PLAC1: variants seen among roughly 807,000 people sequenced by gnomAD.
PLAC1 encodes placenta associated 1.
For missense variants in PLAC1, 136 were observed against 163.2 expected (o/e 0.83, Z 0.91); for synonymous variants, 68 against 62.1 (o/e 1.09, Z -0.44).
At chrX:134,590,196 A>AAAATAAATAAAT (rs371123358) in intron 2 of PLAC1, among the ~76,000 whole-genome samples, 5 of 103,416 alleles carry the variant, frequency 4.8e-5, no homozygotes, top group East Asian at 6.2e-4. Context: ...CTCCATCTCA[A>AAAATAAATAAAT]AAATAAATAA....
chrX:134,583,670 G>A (rs762432953), intron 2 of PLAC1, among the ~76,000 whole-genome samples: 3 of 110,688 alleles, frequency 2.7e-5, no homozygotes, highest in Non-Finnish European at 3.8e-5. Context: ...TCCAATCAAT[G>A]GGAGCTATAG....
At chrX:134,588,815 G>A (rs180924513) in intron 2 of PLAC1, among the ~76,000 whole-genome samples, 1 of 111,348 alleles carries the variant, frequency 9.0e-6, no homozygotes, top group East Asian at 2.8e-4. Context: ...GATCAAGGGA[G>A]GGGTTGAGCA....
At chrX:134,668,643 T>A (rs997211049) in intron 2 of PLAC1, among the ~76,000 whole-genome samples, 1 of 112,831 alleles carries the variant, frequency 8.9e-6, no homozygotes, top group South Asian at 3.6e-4. Context: ...TAGTGATGGG[T>A]CTAAATCCGG....
chrX:134,683,325 G>A (rs11795508), intron 2 of PLAC1, among the ~76,000 whole-genome samples: 12,100 of 110,052 alleles, frequency 0.11, 699 homozygotes, highest in Non-Finnish European at 0.17. Context: ...AGAGATGTCA[G>A]TTAGGGTATC....
intron 2 of PLAC1, among the ~76,000 whole-genome samples, chrX:134,731,878 G>A (rs1001279847): frequency 1.3e-4 from 14 of 111,648 alleles, no homozygotes; most frequent in African/African-American, 4.2e-4. Flanking sequence ...AAAATTACCC[G>A]GGATTGATGG....
chrX:134,752,272 G>T (rs1464392094), intron 1 of PLAC1, among the ~76,000 whole-genome samples: 8 of 111,289 alleles, frequency 7.2e-5, no homozygotes, highest in Non-Finnish European at 1.3e-4. Context: ...AGGGAAGTGG[G>T]TTAGTAACCT....
At chrX:134,639,872 G>A (rs1206576177) in intron 1 of PLAC1, among the ~76,000 whole-genome samples, 1 of 111,883 alleles carries the variant, frequency 8.9e-6, no homozygotes, top group Non-Finnish European at 1.9e-5. Context: ...TGTTTTCAAG[G>A]TTCATCCACA....
intron 1 of PLAC1, among the ~76,000 whole-genome samples, chrX:134,647,831 AG>A (rs775359508): frequency 1.8e-5 from 2 of 111,610 alleles, no homozygotes; most frequent in African/African-American, 3.3e-5. Flanking sequence ...CTTTGCATTC[AG>A]GGGAAGACGA....
chrX:134,707,630 G>A (rs2078609792), intron 2 of PLAC1, among the ~76,000 whole-genome samples: 1 of 112,196 alleles, frequency 8.9e-6, no homozygotes, highest in Admixed American at 9.5e-5. Flanking sequence ...AAGAATGGCT[G>A]AAGGAAGTTC....
At chrX:134,667,905 G>A (rs2078442689) in intron 2 of PLAC1, among the ~76,000 whole-genome samples, 1 of 107,320 alleles carries the variant, frequency 9.3e-6, no homozygotes, top group East Asian at 2.9e-4. Flanking sequence ...TAGCCTAAGT[G>A]ACAGAACAAG....
intron 1 of PLAC1, among the ~76,000 whole-genome samples, chrX:134,616,576 C>T (rs1278173614): frequency 9.1e-6 from 1 of 109,358 alleles, no homozygotes; most frequent in Non-Finnish European, 1.9e-5. Flanking sequence ...GCAGAGCTTG[C>T]AGTGAGCCGA....
chrX:134,610,750 C>T (rs1397584727), intron 1 of PLAC1, among the ~76,000 whole-genome samples: 1 of 111,816 alleles, frequency 8.9e-6, no homozygotes, highest in African/African-American at 3.3e-5. Context: ...AACCAGTAAT[C>T]CTGCCTCATG....
At chrX:134,577,724 C>G (rs2077947491) in intron 2 of PLAC1, among the ~76,000 whole-genome samples, 1 of 105,003 alleles carries the variant, frequency 9.5e-6, no homozygotes, top group Admixed American at 1.1e-4. Context: ...GGTTCTATCA[C>G]AGAATGCCTC....
chrX:134,640,882 T>G (rs2124425752), intron 1 of PLAC1, among the ~76,000 whole-genome samples: 1 of 111,652 alleles, frequency 9.0e-6, no homozygotes, highest in Non-Finnish European at 1.9e-5. Context: ...GACGCTGAGG[T>G]GGGAGGATCA....
At chrX:134,611,516 C>CAT (rs1260661974) in intron 1 of PLAC1, among the ~76,000 whole-genome samples, 3,581 of 61,450 alleles carry the variant, frequency 0.058, 149 homozygotes, top group African/African-American at 0.18. Flanking sequence ...TACACACACA[C>CAT]ACATACATAT....
intron 1 of PLAC1, among the ~76,000 whole-genome samples, chrX:134,740,177 C>T (rs749426766): frequency 9.1e-6 from 1 of 109,779 alleles, no homozygotes; most frequent in Non-Finnish European, 1.9e-5. Context: ...ATTAGCCGGG[C>T]GTGGTGGTGC....
intron 2 of PLAC1, among the ~76,000 whole-genome samples, chrX:134,568,373 C>T (rs2077888453): frequency 8.9e-6 from 1 of 112,596 alleles, no homozygotes; most frequent in African/African-American, 3.2e-5. Flanking sequence ...CTTTCTCTTC[C>T]CTTGATAGTG....
At chrX:134,676,255 G>A (rs2078474483) in intron 2 of PLAC1, among the ~76,000 whole-genome samples, 1 of 111,477 alleles carries the variant, frequency 9.0e-6, no homozygotes, top group Non-Finnish European at 1.9e-5. Flanking sequence ...CCATCCCCTG[G>A]TTCTCTCAGT....
intron 1 of PLAC1, among the ~76,000 whole-genome samples, chrX:134,738,211 T>C (rs1039602081): frequency 8.1e-5 from 9 of 111,769 alleles, no homozygotes. Context: ...CAATTATTGT[T>C]GGAAGGTGGC....
Sources: allele counts gnomAD v4.1 joint callset (sites outside exome capture counted in the v4.1 genomes callset), GRCh38; gene constraint gnomAD v4.1.1; transcripts MANE v1.5; gene names NCBI Gene and HGNC (gene_info 2026-07-23, HGNC 2026-07-21).